Variants in PPARGC1A observed in about 807,000 individuals in gnomAD.
The protein encoded by PPARGC1A is peroxisome proliferator-activated receptor gamma coactivator 1-alpha.
A neutral mutation model predicts 88.7 loss-of-function variants in PPARGC1A; 25 were observed. The ratio of observed to expected loss-of-function variants is 0.28; its 90% CI spans 0.21 to 0.39. The LOEUF is 0.39. Among genes scored for constraint, PPARGC1A ranks in the 10% least tolerant of loss-of-function variants. PPARGC1A has a pLI of 1.00. For synonymous variants in PPARGC1A, 363 were observed against 355.6 expected (o/e 1.02, Z -0.24); for missense variants, 880 against 968.7 (o/e 0.91, Z 1.22).
In PPARGC1A at chr4:23,841,028, A is replaced by G. The variant is rs376309749; in HGVS notation, c.235-9277T>C. On this transcript the variant is annotated intron_variant, in intron 2 of 12. Transcript: ENST00000264867. ...AAATGAACTCCTAGGCAGTGAATCT[A>G]TAGAAGTAAATGTAATGATCATCTT... Among the ~76,000 whole-genome samples the G allele has an allele frequency of 2.6e-5, 4 of 152,276 alleles. No homozygotes were observed. In the East Asian group the frequency reaches 7.7e-4, roughly 29 times the overall value.
At chr4:23,994,121 G>A in the PPARGC1A span, among the ~76,000 whole-genome samples, 11 of 152,202 alleles carry the variant, frequency 7.2e-5, no homozygotes, top group South Asian at 6.2e-4. Flanking sequence ...TTTGAATCCC[G>A]GTCACCTCAT....
At chr4:24,411,749 A>C in the PPARGC1A span, among the ~76,000 whole-genome samples, 1 of 152,144 alleles carries the variant, frequency 6.6e-6, no homozygotes, top group African/African-American at 2.4e-5. Context: ...CCAGAATGTC[A>C]TATAGTTGGA....
chr4:23,976,520 G>A, the PPARGC1A span, among the ~76,000 whole-genome samples: 1 of 152,142 alleles, frequency 6.6e-6, no homozygotes, highest in Non-Finnish European at 1.5e-5. Flanking sequence ...CAGCTGTTTT[G>A]GACTGAATTA....
the PPARGC1A span, among the ~76,000 whole-genome samples, chr4:23,969,257 G>C: frequency 6.6e-6 from 1 of 152,146 alleles, no homozygotes; most frequent in Non-Finnish European, 1.5e-5. Context: ...TTTATTGAGG[G>C]CTTACTGTGT....
chr4:24,136,638 G>A, the PPARGC1A span, among the ~76,000 whole-genome samples: 14,066 of 152,006 alleles, frequency 0.093, 691 homozygotes, highest in African/African-American at 0.11. Flanking sequence ...GCTCTCCCTC[G>A]CTCTGTGGAA....
chr4:24,263,064 T>C, the PPARGC1A span, among the ~76,000 whole-genome samples: 1 of 152,138 alleles, frequency 6.6e-6, no homozygotes, highest in Non-Finnish European at 1.5e-5. Flanking sequence ...CAGAAAACAA[T>C]GTGAGGAAAT....
chr4:24,251,573 A>G, the PPARGC1A span, among the ~76,000 whole-genome samples: 1 of 152,212 alleles, frequency 6.6e-6, no homozygotes, highest in Non-Finnish European at 1.5e-5. Context: ...TTAAATAAAT[A>G]TAATCACAGA....
chr4:24,318,306 A>AATTTCTTTATC, the PPARGC1A span, among the ~76,000 whole-genome samples: 16 of 152,314 alleles, frequency 1.1e-4, no homozygotes, highest in East Asian at 3.1e-3. Flanking sequence ...AAATGATGGA[A>AATTTCTTTATC]TGTGAAATGA....
the PPARGC1A span, among the ~76,000 whole-genome samples, chr4:23,955,298 C>A: frequency 6.6e-6 from 1 of 152,012 alleles, no homozygotes; most frequent in African/African-American, 2.4e-5. Context: ...TCTAGAAATA[C>A]ACACAGCATC....
the PPARGC1A span, among the ~76,000 whole-genome samples, chr4:23,911,422 G>A: frequency 1.3e-5 from 2 of 152,112 alleles, no homozygotes; most frequent in African/African-American, 4.8e-5. Flanking sequence ...CTTCTAATAT[G>A]CATCCCCATG....
the PPARGC1A span, among the ~76,000 whole-genome samples, chr4:24,466,562 A>T: frequency 6.6e-6 from 1 of 152,220 alleles, no homozygotes; most frequent in African/African-American, 2.4e-5. Context: ...TGTTATGGAG[A>T]TTAAATGAGT....
At chr4:24,400,607 T>C in the PPARGC1A span, among the ~76,000 whole-genome samples, 1 of 152,208 alleles carries the variant, frequency 6.6e-6, no homozygotes. Context: ...AACACTCCTC[T>C]CCCCTTCCCT....
chr4:24,219,903 GA>G, the PPARGC1A span, among the ~76,000 whole-genome samples: 1 of 152,188 alleles, frequency 6.6e-6, no homozygotes, highest in East Asian at 1.9e-4. Flanking sequence ...CATCAGTAAA[GA>G]GAAGTGATTT....
chr4:23,920,525 A>T, the PPARGC1A span, among the ~76,000 whole-genome samples: 1 of 152,206 alleles, frequency 6.6e-6, no homozygotes, highest in Non-Finnish European at 1.5e-5. Flanking sequence ...TGAAGGAAGC[A>T]GTAGCCATGA....
the PPARGC1A span, among the ~76,000 whole-genome samples, chr4:24,038,893 G>T: frequency 6.6e-6 from 1 of 152,156 alleles, no homozygotes; most frequent in Non-Finnish European, 1.5e-5. Context: ...TAACTCTGGG[G>T]TTGGTATTTC....
chr4:23,886,742 C>A (rs576862502), intron 1 of PPARGC1A, among the ~76,000 whole-genome samples: 1 of 152,010 alleles, frequency 6.6e-6, no homozygotes, highest in South Asian at 2.1e-4. Flanking sequence ...CACAGCTGAT[C>A]CTCCAAGCCC....
the PPARGC1A span, among the ~76,000 whole-genome samples, chr4:24,048,968 A>C: frequency 6.6e-6 from 1 of 152,018 alleles, no homozygotes; most frequent in Admixed American, 6.6e-5. Context: ...TCTACTTTGC[A>C]CATGTCTTTA....
chr4:23,819,301 G>C (rs541079255), intron 7 of PPARGC1A, among the ~76,000 whole-genome samples: 114 of 152,258 alleles, frequency 7.5e-4, no homozygotes, highest in African/African-American at 2.6e-3. Context: ...AACAGACCCT[G>C]CTGGTCCTCT....
At chr4:23,803,819 G>C (rs1043834158) in intron 10 of PPARGC1A, among the ~76,000 whole-genome samples, 1 of 152,194 alleles carries the variant, frequency 6.6e-6, no homozygotes, top group Non-Finnish European at 1.5e-5. Flanking sequence ...TTCTTTGGAT[G>C]TACTGAGAGT....
Sources: gnomAD v4.1 joint callset for allele counts (sites outside exome capture counted in the v4.1 genomes callset) on GRCh38, gnomAD v4.1.1 for gene constraint, MANE v1.5 for transcripts, NCBI Gene and HGNC (gene_info 2026-07-23, HGNC 2026-07-21) for gene names.